PBLD: variants seen among roughly 807,000 people sequenced by gnomAD.
The protein encoded by PBLD is phenazine biosynthesis like protein domain containing, also known as phenazine biosynthesis-like domain-containing protein.
Under a neutral mutation model 31.3 loss-of-function variants are expected in PBLD, and 26 were observed. The observed-to-expected ratio is 0.83, with a 90% CI of 0.61 to 1.15. The LOEUF (loss-of-function observed/expected upper bound fraction) is 1.15, where lower values mean the gene tolerates loss of function less well. Among genes scored for constraint, PBLD ranks in the 50% most tolerant of loss-of-function variants. The pLI is 0.00. For synonymous variants in PBLD, 114 were observed against 129.0 expected, an observed-to-expected ratio of 0.88 and a Z score of 0.79; for missense variants, 307 against 351.7, an observed-to-expected ratio of 0.87 and a Z score of 1.02.
At chr10:68,306,107 A>C (rs953747411) in intron 2 of PBLD, among the ~76,000 whole-genome samples, 14 of 151,592 alleles carry the variant, frequency 9.2e-5, no homozygotes, top group African/African-American at 3.4e-4. Context: ...AATATTAACT[A>C]TTAACAATAT....
intron 1 of PBLD, among the ~76,000 whole-genome samples, chr10:68,312,137 G>A (rs1353698222): frequency 6.6e-6 from 1 of 152,204 alleles, no homozygotes; most frequent in Non-Finnish European, 1.5e-5. Flanking sequence ...TGGCTATTGT[G>A]AATATTGCTG....
At chr10:68,305,325 T>C (rs1388760326) in intron 2 of PBLD, among the ~76,000 whole-genome samples, 1 of 145,862 alleles carries the variant, frequency 6.9e-6, no homozygotes, top group Non-Finnish European at 1.5e-5. Context: ...GTTGGCCAGG[T>C]TGGACTCTGG....
chr10:68,319,276 T>C (rs2044796128), intron 1 of PBLD, among the ~76,000 whole-genome samples: 1 of 151,730 alleles, frequency 6.6e-6, no homozygotes, highest in Non-Finnish European at 1.5e-5. Flanking sequence ...ACATGAGACA[T>C]GTAGAAAACA....
At chr10:68,331,783 T>C (rs1477488848) in intron 1 of PBLD, 4 of 152,286 alleles carry the variant, frequency 2.6e-5, no homozygotes, top group African/African-American at 4.8e-5. Flanking sequence ...AGAACTGCCA[T>C]TGCCATCGCC....
chr10:68,309,475 C>T (rs564615403), intron 1 of PBLD, among the ~76,000 whole-genome samples: 21 of 144,822 alleles, frequency 1.5e-4, no homozygotes, highest in Admixed American at 5.7e-4. Context: ...CGCCTCAAAA[C>T]GAGGCTACTC....
chr10:68,300,141 T>C (rs78185894), intron 2 of PBLD, among the ~76,000 whole-genome samples: 6,420 of 152,168 alleles, frequency 0.042, 205 homozygotes, highest in East Asian at 0.18. Context: ...TGCGCCCATA[T>C]TGGCCTCCCA....
intron 2 of PBLD, among the ~76,000 whole-genome samples, chr10:68,304,973 C>A (rs997077608): frequency 6.6e-6 from 1 of 152,130 alleles, no homozygotes; most frequent in African/African-American, 2.4e-5. Context: ...CTCAAGTCTG[C>A]GTAATGAATG....
Position 68,288,904 on chromosome 10 carries a change from A to C in PBLD, c.512+27T>G. The C allele has an allele frequency of 2.5e-6, 4 of 1,596,854 alleles. No homozygotes were observed. The South Asian group carries it at 4.4e-5, about 18-fold the overall frequency. ...AAATCTGGGTACTCAGCCCTCCCCA[A>C]AGTGCTGATGCAGCCAAAAATCTTA... On this transcript the variant is annotated intron_variant, in intron 7 of 9. Transcript: ENST00000358769.
At chr10:68,318,012 G>A (rs1475625733) in intron 1 of PBLD, among the ~76,000 whole-genome samples, 1 of 152,142 alleles carries the variant, frequency 6.6e-6, no homozygotes, top group East Asian at 1.9e-4. Context: ...CAGATCACGA[G>A]GTCAGGAGAT....
intron 1 of PBLD, among the ~76,000 whole-genome samples, chr10:68,317,756 C>T (rs1374288804): frequency 6.6e-6 from 1 of 152,112 alleles, no homozygotes; most frequent in African/African-American, 2.4e-5. Flanking sequence ...CGAGATCACA[C>T]CACTGCACTC....
At chr10:68,326,464 A>T (rs1306638165) in intron 1 of PBLD, among the ~76,000 whole-genome samples, 1 of 152,244 alleles carries the variant, frequency 6.6e-6, no homozygotes, top group Non-Finnish European at 1.5e-5. Flanking sequence ...AATCAGCAGC[A>T]CATTACATCG....
chr10:68,314,220 G>A (rs946486311), intron 1 of PBLD, among the ~76,000 whole-genome samples: 3 of 151,876 alleles, frequency 2.0e-5, no homozygotes, highest in African/African-American at 7.3e-5. Flanking sequence ...CAGGTGATCC[G>A]CCCACCTCAG....
At chr10:68,328,959 C>T (rs1159364490) in intron 1 of PBLD, among the ~76,000 whole-genome samples, 2 of 152,206 alleles carry the variant, frequency 1.3e-5, no homozygotes, top group Admixed American at 6.5e-5. Flanking sequence ...CTCACTGCAA[C>T]CTCTGCCCCA....
chr10:68,292,081 G>T (rs1231654976), intron 5 of PBLD, 42 bp from the exon 6 acceptor site: 1 of 1,597,290 alleles, frequency 6.3e-7, no homozygotes, highest in South Asian at 1.1e-5. Context: ...TAAAACAGGA[G>T]AGCTGTCGGT....
intron 1 of PBLD, among the ~76,000 whole-genome samples, chr10:68,318,003 A>G (rs1446734031): frequency 5.9e-5 from 9 of 152,044 alleles, no homozygotes; most frequent in East Asian, 5.8e-4. Flanking sequence ...CAAGGTGGGC[A>G]GATCACGAGG....
intron 2 of PBLD, among the ~76,000 whole-genome samples, chr10:68,306,359 T>A (rs1255363955): frequency 1.3e-5 from 2 of 152,300 alleles, no homozygotes; most frequent in East Asian, 3.9e-4. Context: ...TTGCCTGAGC[T>A]ATAGATAAGG....
At position 68,297,007 on chromosome 10, in the gene PBLD, A is replaced by C. The variant is rs762846020; in HGVS notation, c.85-22T>G. 4.4e-6 allele frequency: 7 copies of C among 1,574,042 alleles called. No homozygotes were observed. The South Asian group carries it at 7.8e-5, about 17-fold the overall frequency. Reference sequence around the variant, plus strand: ...ATTCCTTAATTAGAAACAGACGATCATTGAGGTTTCAAAAACACAGATCAG... The same window carrying C: ...ATTCCTTAATTAGAAACAGACGATCCTTGAGGTTTCAAAAACACAGATCAG... On this transcript the variant is annotated intron_variant, in intron 2 of 9. Coordinates refer to ENST00000358769, the MANE Select transcript of PBLD (RefSeq NM_022129.4).
chr10:68,310,384 T>TATATATATATAC (rs1554859465), intron 1 of PBLD, among the ~76,000 whole-genome samples: 1 of 147,374 alleles, frequency 6.8e-6, no homozygotes, highest in African/African-American at 2.5e-5. Context: ...TATATATATA[T>TATATATATATAC]ACACATTGTG....
intron 6 of PBLD, among the ~76,000 whole-genome samples, chr10:68,289,663 TCACA>T (rs1183126379): frequency 4.4e-5 from 6 of 136,400 alleles, no homozygotes; most frequent in African/African-American, 5.4e-5. Flanking sequence ...AGGCCAAAGA[TCACA>T]CACACACACA....
Sources: allele counts gnomAD v4.1 joint callset (sites outside exome capture counted in the v4.1 genomes callset), GRCh38; gene constraint gnomAD v4.1.1; transcripts MANE v1.5; gene names NCBI Gene and HGNC (gene_info 2026-07-23, HGNC 2026-07-21).